YTHDC1: variants seen among roughly 807,000 people sequenced by gnomAD.
YTHDC1 encodes the protein YTH N6-methyladenosine RNA binding protein C1.
YTHDC1 carries 12 observed loss-of-function variants against 107.0 expected under a neutral mutation model. The observed-to-expected ratio is 0.11, with a 90% CI of 0.07 to 0.18. The LOEUF is 0.18. YTHDC1 is among the 10% of genes least tolerant of loss of function. The pLI is 1.00. For missense variants in YTHDC1, 635 were observed against 898.8 expected (o/e 0.71, Z 3.75); for synonymous variants, 280 against 289.5 (o/e 0.97, Z 0.33).
At chr4:68,329,923 CT>C in intron 9 of YTHDC1, 78 bp downstream of exon 9, 2 of 1,089,830 alleles carry the variant, frequency 1.8e-6, no homozygotes, top group Middle Eastern at 2.1e-4. Flanking sequence ...TATACAGTGA[CT>C]TTTTCACTTT....
intron 1 of YTHDC1, among the ~76,000 whole-genome samples, chr4:68,341,745 T>C (rs890017997): frequency 1.3e-5 from 2 of 152,152 alleles, no homozygotes; most frequent in Non-Finnish European, 2.9e-5. Flanking sequence ...TACACTGGAA[T>C]ATAATATACA....
chr4:68,312,779 A>G lies in YTHDC1; in HGVS notation c.*1320T>C, dbSNP rs192426822. The G allele has an allele frequency of 2.6e-3, 401 of 152,356 alleles. 2 individuals carry two copies. Among genetic ancestry groups the G allele is most frequent in the African/African-American group, 9.0e-3 (376 of 41,586 alleles). 9.4% of individuals were successfully genotyped at this position (152,356 alleles called of 1,614,324 possible). A position where few individuals can be genotyped will look rare whatever the true frequency, so the allele number is the denominator to read the frequency against. On this transcript the variant is annotated 3_prime_UTR_variant, in exon 17 of 17. Transcript: ENST00000344157. The stretch of plus-strand genomic sequence containing the variant: ...TGTTGATACTATAAAAAAATCAAAC[A>G]TTCAAATATTCCTAATGTTTATAAA...
At chr4:68,336,388 A>T (rs1257528677) in intron 4 of YTHDC1, among the ~76,000 whole-genome samples, 1 of 152,050 alleles carries the variant, frequency 6.6e-6, no homozygotes, top group Non-Finnish European at 1.5e-5. Context: ...TTTTTGTCTC[A>T]TAGGTATAGA....
intron 14 of YTHDC1, 39 bp downstream of exon 14, chr4:68,318,651 G>A: frequency 1.9e-6 from 3 of 1,610,250 alleles, no homozygotes; most frequent in Non-Finnish European, 2.5e-6. Context: ...ATCAGAGCCT[G>A]ATTTTATCCA....
chr4:68,327,998 C>T (rs888596192), intron 9 of YTHDC1, among the ~76,000 whole-genome samples: 21 of 152,068 alleles, frequency 1.4e-4, no homozygotes, highest in Non-Finnish European at 2.8e-4. Context: ...TTACACCTCA[C>T]GTTAGTAGGA....
rs1002058056 is a variant in YTHDC1 at position 68,318,375 on chromosome 4, T to C, written c.1824+144A>G. The C allele has an allele frequency of 8.1e-6, 6 of 745,178 alleles. No individual in the cohort carries two copies. In the African/African-American group the frequency reaches 1.1e-4, roughly 13 times the overall value. The allele number at this position is 745,178 out of a possible 1,614,324, so 46.2% of individuals were successfully genotyped here. ...TAGCCGCCTCAGCCTCCCAAAGTGC[T>C]GGGACTGCAGGTGTGAGCCACGGCG... On this transcript the variant is annotated intron_variant, in intron 15 of 16. Coordinates refer to ENST00000344157, the MANE Select transcript of YTHDC1 (RefSeq NM_001031732.4).
chr4:68,337,203 TC>T lies in YTHDC1; in HGVS notation c.706del (p.Glu236ArgfsTer125). The T allele has an allele frequency of 6.2e-7, 1 of 1,601,600 alleles. No homozygotes were observed. ...DEDGEEEEEE[E>X]EEEEEEEEEE... is the part of the protein sequence containing the mutation. ...CTCCTCCTCCTCCTCTTCCTCCTCC[TC>T]CTCTTCCTCCTCCTCCTCTCCATCT... is the stretch of plus-strand genomic sequence containing the variant. On this transcript the variant is annotated frameshift_variant, in exon 4 of 17. Coordinates refer to ENST00000344157, the MANE Select transcript of YTHDC1 (RefSeq NM_001031732.4). LOFTEE classifies it high-confidence loss of function.
At chr4:68,333,862 TTA>T (rs1491353240) in intron 4 of YTHDC1, among the ~76,000 whole-genome samples, 2 of 152,166 alleles carry the variant, frequency 1.3e-5, no homozygotes, top group Non-Finnish European at 2.9e-5. Context: ...ACCCAAAGCT[TTA>T]CAACTGGAAA....
intron 11 of YTHDC1, among the ~76,000 whole-genome samples, chr4:68,320,609 T>A (rs1730873): frequency 0.51 from 76,955 of 151,840 alleles, 19,707 homozygotes; most frequent in South Asian, 0.62. Flanking sequence ...AAACCTATCA[T>A]CATTGTACAA....
chr4:68,340,353 A>C (rs1224527411), intron 1 of YTHDC1, among the ~76,000 whole-genome samples: 2 of 152,150 alleles, frequency 1.3e-5, no homozygotes, highest in East Asian at 3.8e-4. Flanking sequence ...GGGTGGTACC[A>C]ATGCTGATAT....
chr4:68,314,027 C>T lies in YTHDC1; in HGVS notation c.*72G>A. The T allele has an allele frequency of 6.7e-7, 1 of 1,485,650 alleles. No individual in the cohort carries two copies. Among genetic ancestry groups the T allele is most frequent in the Non-Finnish European group, 9.2e-7 (1 of 1,081,460 alleles). 92.0% of individuals were successfully genotyped at this position (1,485,650 alleles called of 1,614,324 possible). A position where few individuals can be genotyped will look rare whatever the true frequency, so the allele number is the denominator to read the frequency against. On this transcript the variant is annotated 3_prime_UTR_variant, in exon 17 of 17. Coordinates refer to ENST00000344157, the MANE Select transcript of YTHDC1 (RefSeq NM_001031732.4). ...CAGACAGCTGAAAATAAATTTACTA[C>T]TTGTAAACACACACAAAAAAAAAAT...
At position 68,317,731 on chromosome 4, in the gene YTHDC1, C is replaced by T. The variant is rs533566337; in HGVS notation, c.1824+788G>A. ...AAATTTATCTTGACAATGAAAATGA[C>T]ACTACTACATTAAATTTTAAGCTAT... is the stretch of plus-strand genomic sequence containing the variant. On this transcript the variant is annotated intron_variant, in intron 15 of 16. Transcript: ENST00000344157. Among the ~76,000 whole-genome samples, 9 of 152,264 alleles carry T rather than the reference C, an allele frequency of 5.9e-5. No homozygotes were observed. In the South Asian group the frequency reaches 1.9e-3, roughly 32 times the overall value.
At chr4:68,347,325 C>T (rs1175223092) in intron 1 of YTHDC1, among the ~76,000 whole-genome samples, 1 of 152,072 alleles carries the variant, frequency 6.6e-6, no homozygotes. Flanking sequence ...TGCATATTTC[C>T]TCCTTATATA....
At chr4:68,333,036 G>A (rs1344946351) in intron 5 of YTHDC1, among the ~76,000 whole-genome samples, 189 bp from the exon 6 acceptor site, 2 of 152,000 alleles carry the variant, frequency 1.3e-5, no homozygotes, top group East Asian at 3.9e-4. Flanking sequence ...TTTTTTAAAA[G>A]TATGTATATT....
intron 1 of YTHDC1, among the ~76,000 whole-genome samples, chr4:68,347,220 T>C (rs1447718784): frequency 6.6e-6 from 1 of 152,206 alleles, no homozygotes; most frequent in Non-Finnish European, 1.5e-5. Flanking sequence ...CTCATACACA[T>C]TTTGGATAGA....
At chr4:68,337,977 T>C in intron 2 of YTHDC1, 77 bp from the exon 3 acceptor site, 2 of 1,515,024 alleles carry the variant, frequency 1.3e-6, no homozygotes, top group Non-Finnish European at 1.8e-6. Context: ...CTGACAATAA[T>C]ATATACATCA....
In YTHDC1 at chr4:68,314,208, T is replaced by C. The variant is rs1721564829; in HGVS notation, c.2075A>G (p.Asp692Gly). 1 of 1,613,714 alleles carries C rather than the reference T, an allele frequency of 6.2e-7. No homozygotes were observed. Among genetic ancestry groups the C allele is most frequent in the Admixed American group, 1.7e-5 (1 of 59,940 alleles). The part of the protein sequence containing the change: ...DRERERDRPR[D>G]NRRDRERDRG... ...ATCTCGCTCTCTGTCTCGTCTGTTA[T>C]CTCTAGGGCGGTCTCGCTCTCGTTC... is the stretch of plus-strand genomic sequence containing the variant. The change falls in exon 17 of 17, where the codon GAT becomes GGT. Residue 692 changes from aspartate (D) to glycine (G), a missense_variant. By Grantham distance (94) the Asp-to-Gly change is moderately conservative. This residue lies in a region of YTHDC1 where 256 missense variants were observed against 372.9 expected (regional missense o/e 0.69). Coordinates refer to ENST00000344157, the MANE Select transcript of YTHDC1 (RefSeq NM_001031732.4).
chr4:68,314,162 T>C lies in YTHDC1; in HGVS notation c.2121A>G (p.Arg707=). 6.2e-7 allele frequency: 1 copy of C among 1,613,928 alleles called. No homozygotes were observed. The highest frequency in any genetic ancestry group is 8.5e-7 in the Non-Finnish European group (1 of 1,179,918). ...RERDRGRDRE[R]ERERLCDRDR... is the part of the protein sequence containing the mutation. ...CTCGATCACATAATCGCTCTCTTTC[T>C]CTTTCTCTATCACGTCCTCTATCTC... The change falls in exon 17 of 17, where the codon AGA becomes AGG. Residue 707 remains arginine (R), a synonymous_variant. Coordinates refer to ENST00000344157, the MANE Select transcript of YTHDC1 (RefSeq NM_001031732.4).
chr4:68,313,084 A>G lies in YTHDC1; in HGVS notation c.*1015T>C, dbSNP rs1256690106. The G allele has an allele frequency of 3.9e-5, 6 of 152,228 alleles. No individual in the cohort carries two copies. The highest frequency in any genetic ancestry group is 1.3e-4 in the Admixed American group (2 of 15,282). 9.4% of individuals were successfully genotyped at this position (152,228 alleles called of 1,614,324 possible). A position where few individuals can be genotyped will look rare whatever the true frequency, so the allele number is the denominator to read the frequency against. ...GATTCTGTGATCAGAGTAGACTCAA[A>G]ATGTTATCAGGTGTATAAATACTTA... On this transcript the variant is annotated 3_prime_UTR_variant, in exon 17 of 17. Coordinates refer to ENST00000344157, the MANE Select transcript of YTHDC1 (RefSeq NM_001031732.4).
Sources: gnomAD v4.1 joint callset for allele counts (sites outside exome capture counted in the v4.1 genomes callset) on GRCh38, gnomAD v4.1.1 for gene constraint, gnomAD v4.1.1 regional missense constraint, MANE v1.5 for transcripts, NCBI Gene and HGNC (gene_info 2026-07-23, HGNC 2026-07-21) for gene names.